Variants in FUT8 observed in about 807,000 individuals in gnomAD.
FUT8 encodes the protein alpha-(1,6)-fucosyltransferase.
A neutral mutation model predicts 71.3 loss-of-function variants in FUT8; 29 were observed. The observed-to-expected ratio is 0.41, with a 90% CI of 0.30 to 0.55. The LOEUF is 0.55. FUT8 is among the 20% of genes least tolerant of loss of function. The pLI is 0.34. For missense variants in FUT8, 544 were observed against 702.1 expected, an observed-to-expected ratio of 0.77 and a Z score of 2.55; for synonymous variants, 254 against 239.3, an observed-to-expected ratio of 1.06 and a Z score of -0.57.
At chr14:65,460,701 C>T (rs962202313) in intron 2 of FUT8, among the ~76,000 whole-genome samples, 11 of 151,992 alleles carry the variant, frequency 7.2e-5, no homozygotes, top group Non-Finnish European at 1.6e-4. Flanking sequence ...TAAGGGAGAA[C>T]ACCTAAAAAA....
intron 3 of FUT8, among the ~76,000 whole-genome samples, chr14:65,602,402 C>CACCCT (rs1888347668): frequency 7.5e-6 from 1 of 133,832 alleles, no homozygotes; most frequent in Non-Finnish European, 1.6e-5. Context: ...CACACACACA[C>CACCCT]AGTTTCTTTA....
At chr14:65,513,474 TGACAGTCGTGTA>T (rs1566794465) in intron 2 of FUT8, among the ~76,000 whole-genome samples, 1 of 151,552 alleles carries the variant, frequency 6.6e-6, no homozygotes, top group African/African-American at 2.4e-5. Flanking sequence ...AGATAGGAAA[TGACAGTCGTGTA>T]AAATAGGGCC....
chr14:65,552,958 C>T lies in FUT8; in HGVS notation c.-227-8379C>T, dbSNP rs374150330. 2.6e-4 allele frequency among the ~76,000 whole-genome samples: 39 copies of T among 152,186 alleles called. No individual in the cohort carries two copies. In the East Asian group the frequency reaches 4.0e-3, roughly 16 times the overall value. ...GTGGCCTACTGTGCCTGAGGAAATACGTTCTTTTTTTCCCCCAGACAGGGT... is the reference window on the plus strand; with the variant it reads ...GTGGCCTACTGTGCCTGAGGAAATATGTTCTTTTTTTCCCCCAGACAGGGT... On this transcript the variant is annotated intron_variant, in intron 2 of 10. Transcript: ENST00000673929.
At chr14:65,740,332 G>T (rs61987807) in intron 10 of FUT8, among the ~76,000 whole-genome samples, 125,705 of 151,612 alleles carry the variant, frequency 0.83, 52,363 homozygotes, top group East Asian at 1. Flanking sequence ...AAATATTGGG[G>T]CAAATGTAGT....
intron 6 of FUT8, among the ~76,000 whole-genome samples, chr14:65,640,099 G>C (rs554186518): frequency 2.6e-5 from 4 of 151,996 alleles, no homozygotes; most frequent in African/African-American, 9.6e-5. Context: ...ATGGTCAGAA[G>C]AAAAATTAGT....
chr14:65,603,045 G>A lies in FUT8; in HGVS notation c.204-12933G>A, dbSNP rs1273369389. ...TGTTTTTGTTACGTTTGCTTTTGAA[G>A]TCTTCGCCTAAGCCAATGTCTAGAA... On this transcript the variant is annotated intron_variant, in intron 3 of 10. Coordinates refer to ENST00000673929, the MANE Select transcript of FUT8 (RefSeq NM_001371533.1). The surrounding 1 kb of genome is among the most constrained non-coding windows in gnomAD (Gnocchi z 4.5). 1.3e-5 allele frequency among the ~76,000 whole-genome samples: 2 copies of A among 151,780 alleles called. No homozygotes were observed. The highest frequency in any genetic ancestry group is 2.9e-5 in the Non-Finnish European group (2 of 67,878).
chr14:65,383,950 C>T, the FUT8 span, among the ~76,000 whole-genome samples: 70 of 152,266 alleles, frequency 4.6e-4, no homozygotes, highest in African/African-American at 1.6e-3. Flanking sequence ...GGGAAAGGGG[C>T]CATCAGTAGG....
intron 2 of FUT8, chr14:65,488,181 T>C (rs1170063317): frequency 6.6e-6 from 1 of 152,178 alleles, no homozygotes; most frequent in African/African-American, 2.4e-5. Flanking sequence ...CAGTAATATA[T>C]GATAATGAAA....
At chr14:65,644,299 T>TA (rs1566871462) in intron 6 of FUT8, among the ~76,000 whole-genome samples, 56 of 151,488 alleles carry the variant, frequency 3.7e-4, no homozygotes, top group Middle Eastern at 3.4e-3. Flanking sequence ...ATATATATAT[T>TA]TTTTTTTTTG....
chr14:65,407,171 C>T (rs1396924041), upstream of FUT8, among the ~76,000 whole-genome samples: 3 of 152,192 alleles, frequency 2.0e-5, no homozygotes, highest in South Asian at 2.1e-4. Flanking sequence ...GATGTGGTTA[C>T]AAAAAAGCTA....
intron 6 of FUT8, among the ~76,000 whole-genome samples, chr14:65,629,829 T>TACACACACACACAC (rs3079115): frequency 2.0e-5 from 3 of 147,996 alleles, no homozygotes; most frequent in African/African-American, 7.5e-5. Flanking sequence ...CTTACACACG[T>TACACACACACACAC]ACACACACAC....
chr14:65,415,314 T>C (rs757415246), intron 1 of FUT8, among the ~76,000 whole-genome samples: 25 of 152,310 alleles, frequency 1.6e-4, no homozygotes, highest in Middle Eastern at 3.4e-3. Context: ...TGGGCATATA[T>C]ATGTACATAG....
chr14:65,450,977 C>T (rs1256943028), intron 1 of FUT8, among the ~76,000 whole-genome samples: 1 of 152,020 alleles, frequency 6.6e-6, no homozygotes, highest in Non-Finnish European at 1.5e-5. Flanking sequence ...CTGCCTCAGC[C>T]TCCCTAGTAG....
intron 2 of FUT8, chr14:65,528,835 TATC>T (rs1022690609): frequency 2.0e-5 from 3 of 152,346 alleles, no homozygotes; most frequent in African/African-American, 7.2e-5. Context: ...TTAATTTAGA[TATC>T]ATCAAGATCT....
rs1003639547 is a variant in FUT8, at chr14:65,550,629, C to T, written c.-227-10708C>T. Among the ~76,000 whole-genome samples, 1 of 152,084 alleles carries T rather than the reference C, an allele frequency of 6.6e-6. No homozygotes were observed. The highest frequency in any genetic ancestry group is 6.6e-5 in the Admixed American group (1 of 15,262). ...GATATTTTTTGTTCTACAAGTTATA[C>T]ATTTTTATTGTAGTTTTCTTTTTTC... On this transcript the variant is annotated intron_variant, in intron 2 of 10. Coordinates refer to ENST00000673929, the MANE Select transcript of FUT8 (RefSeq NM_001371533.1). The surrounding 1 kb of genome is among the most constrained non-coding windows in gnomAD (Gnocchi z 4.5).
chr14:65,666,678 G>A (rs552749459), intron 6 of FUT8, among the ~76,000 whole-genome samples: 2 of 152,066 alleles, frequency 1.3e-5, no homozygotes, highest in African/African-American at 2.4e-5. Context: ...TTCTGTGAGG[G>A]CAGCATCATT....
chr14:65,611,283 ACACACACACACACACACACC>A (rs1240100560), intron 3 of FUT8, among the ~76,000 whole-genome samples: 1,051 of 44,604 alleles, frequency 0.024, 144 homozygotes, highest in Admixed American at 0.03. Flanking sequence ...ACACACACAC[ACACACACACACACACACACC>A]CCCCAAGTAA....
chr14:65,365,916 C>A, the FUT8 span, among the ~76,000 whole-genome samples: 1 of 152,090 alleles, frequency 6.6e-6, no homozygotes. Context: ...TGGCTCACTG[C>A]AGGCTCTGCC....
intron 2 of FUT8, among the ~76,000 whole-genome samples, chr14:65,558,516 A>G (rs954726775): frequency 6.6e-6 from 1 of 152,166 alleles, no homozygotes; most frequent in Non-Finnish European, 1.5e-5. Flanking sequence ...TAAGTAGGGC[A>G]TAAATGCAGT....
Sources: allele counts gnomAD v4.1 joint callset (sites outside exome capture counted in the v4.1 genomes callset), GRCh38; gene constraint gnomAD v4.1.1; non-coding constraint Gnocchi (gnomAD v3.1); transcripts MANE v1.5; gene names NCBI Gene and HGNC (gene_info 2026-07-23, HGNC 2026-07-21).